Variants in GLS observed in about 807,000 individuals in gnomAD.
The protein encoded by GLS is glutaminase.
Under a neutral mutation model 86.7 loss-of-function variants are expected in GLS, and 36 were observed. The observed-to-expected ratio is 0.42, with a 90% confidence interval of 0.32 to 0.55. The LOEUF (loss-of-function observed/expected upper bound fraction) is 0.55, where lower values mean the gene tolerates loss of function less well. Ranked by LOEUF, GLS falls within the 20% of genes least tolerant of loss-of-function variation. The probability of loss-of-function intolerance (pLI) is 0.17; values close to 1 mark genes in which losing one functional copy is unlikely to be tolerated. For missense variants in GLS, 528 were observed against 833.4 expected, an observed-to-expected ratio of 0.63 and a Z score of 4.51; for synonymous variants, 317 against 305.9, an observed-to-expected ratio of 1.04 and a Z score of -0.38.
intron 14 of GLS, among the ~76,000 whole-genome samples, chr2:190,948,851 A>C (rs549321277): frequency 6.6e-6 from 1 of 152,294 alleles, no homozygotes; most frequent in African/African-American, 2.4e-5. Context: ...TCAGGAGAAT[A>C]GTATGCACTG....
rs1166917946 is a variant in GLS, at chr2:190,920,670, G to GT, written c.1039-347dup. On this transcript the variant is annotated intron_variant, in intron 7 of 17. Coordinates refer to ENST00000320717, the MANE Select transcript of GLS (RefSeq NM_014905.5). The surrounding 1 kb of genome is among the most constrained non-coding windows in gnomAD (Gnocchi z 4.2). ...TTCGAAGGGTGAAACTTTATTTTAA[G>GT]TTTTTTTAAATATAAGATTAAATAA... is the stretch of plus-strand genomic sequence containing the variant. 1.3e-5 allele frequency among the ~76,000 whole-genome samples: 2 copies of GT among 151,242 alleles called. No individual in the cohort carries two copies. Among genetic ancestry groups the GT allele is most frequent in the Middle Eastern group, 3.2e-3 (1 of 308 alleles).
intron 14 of GLS, chr2:190,933,093 A>G: frequency 1.0e-6 from 1 of 960,158 alleles, no homozygotes; most frequent in East Asian, 6.7e-5. Flanking sequence ...CTTTATTTTT[A>G]AAAATACAAA....
At position 190,905,179 on chromosome 2, in the gene GLS, A is replaced by G. The variant is rs1197171563; in HGVS notation, c.979+12A>G. On this transcript the variant is annotated intron_variant, in intron 6 of 17. Coordinates refer to ENST00000320717, the MANE Select transcript of GLS (RefSeq NM_014905.5). This position sits in a 1 kb window ranked among gnomAD's most constrained non-coding sequence, Gnocchi z 4.6. ...TTTGAATGAAGATGGTAAGAATTAC[A>G]TAAACATTGGTTGAAAAAAGAAATG... 2.6e-6 allele frequency: 4 copies of G among 1,514,052 alleles called. No homozygotes were observed. The highest frequency in any genetic ancestry group is 2.7e-6 in the Non-Finnish European group (3 of 1,099,980). 93.8% of individuals were successfully genotyped at this position (1,514,052 alleles called of 1,614,324 possible).
chr2:190,885,564 A>T (rs1479565166), intron 1 of GLS, among the ~76,000 whole-genome samples: 1 of 152,230 alleles, frequency 6.6e-6, no homozygotes, highest in Non-Finnish European at 1.5e-5. Context: ...ATTGAACAAT[A>T]CTAGTAAGGA....
chr2:190,963,167 AAAAC>A lies in GLS; in HGVS notation c.*184_*187del. ...GATCTCTTTGGGAAAAAATAGAAAT[AAAAC>A]AATCTCCCTCCATAATGTGAGCAAT... is the stretch of plus-strand genomic sequence containing the variant. On this transcript the variant is annotated 3_prime_UTR_variant, in exon 18 of 18. Transcript: ENST00000320717. 2 of 473,014 alleles carry A rather than the reference AAAAC, an allele frequency of 4.2e-6. No individual in the cohort carries two copies. The highest frequency in any genetic ancestry group is 7.5e-6 in the Non-Finnish European group (2 of 267,964). 29.3% of individuals were successfully genotyped at this position (473,014 alleles called of 1,614,324 possible).
rs1491250812 is a variant in GLS at position 190,953,948 on chromosome 2, A to ATG, written c.1712+323_1712+324insGT. Reference sequence around the variant, plus strand: ...GTCTACCCTCCATTCCCAATCTTTGATATGTGTGTGTGTGTGTGTGTGTGT... The same window carrying ATG: ...GTCTACCCTCCATTCCCAATCTTTGATGTATGTGTGTGTGTGTGTGTGTGTGT... On this transcript the variant is annotated intron_variant, in intron 15 of 17. Coordinates refer to ENST00000320717, the MANE Select transcript of GLS (RefSeq NM_014905.5). The surrounding 1 kb of genome is among the most constrained non-coding windows in gnomAD (Gnocchi z 4.0). 6.2e-4 allele frequency among the ~76,000 whole-genome samples: 68 copies of ATG among 108,834 alleles called. No homozygotes were observed. The highest frequency in any genetic ancestry group is 2.0e-3 in the African/African-American group (54 of 27,584). The allele number at this position is 108,834 out of a possible 152,430, so 71.4% of individuals were successfully genotyped here.
At position 190,953,606 on chromosome 2, in the gene GLS, A is replaced by G; in HGVS notation, c.1692A>G (p.Gly564=). ...ATCTTTTGTTTGCTGCATATACTGG[A>G]GATGTGTCTGCACTTCGAAGGTATG... ...VINLLFAAYT[G]DVSALRRFAL... Residue 564 remains glycine, a synonymous_variant, in exon 15 of 18, where the codon GGA becomes GGG. Transcript: ENST00000320717. The surrounding 1 kb of genome is among the most constrained non-coding windows in gnomAD (Gnocchi z 4.0). The G allele has an allele frequency of 6.2e-7, 1 of 1,608,972 alleles. No individual in the cohort carries two copies. The highest frequency in any genetic ancestry group is 1.1e-5 in the South Asian group (1 of 90,984).
chr2:190,934,230 G>C (rs757087579), intron 14 of GLS: 32 of 960,352 alleles, frequency 3.3e-5, no homozygotes, highest in Non-Finnish European at 4.0e-5. Context: ...AGTAAATATA[G>C]TGTAGCAAAA....
At position 190,924,142 on chromosome 2, in the gene GLS, T is replaced by G. The variant is rs928399676; in HGVS notation, c.1197+159T>G. ...TGCTCGTGAGTCAGTGTTATCAAAT[T>G]GTTAATGTTATTGTTAATTTGATTT... On this transcript the variant is annotated intron_variant, in intron 10 of 17. Transcript: ENST00000320717. This position sits in a 1 kb window ranked among gnomAD's most constrained non-coding sequence, Gnocchi z 5.2. Among the ~76,000 whole-genome samples, 4 of 152,202 alleles carry G rather than the reference T, an allele frequency of 2.6e-5. No homozygotes were observed. The highest frequency in any genetic ancestry group is 4.4e-5 in the Non-Finnish European group (3 of 68,016).
At chr2:190,934,811 G>A (rs1197961415) in intron 14 of GLS, 3 of 960,142 alleles carry the variant, frequency 3.1e-6, no homozygotes, top group African/African-American at 3.5e-5. Context: ...CTAAGCTACT[G>A]TGTTTAGAAA....
In GLS at chr2:190,906,012, AG is replaced by A. The variant is rs1689124726; in HGVS notation, c.979+846del. On this transcript the variant is annotated intron_variant, in intron 6 of 17. Coordinates refer to ENST00000320717, the MANE Select transcript of GLS (RefSeq NM_014905.5). ...ATTATTTTATTAGTTTGTAAGATGA[AG>A]TCATAAGACTGGTATTTTCTTATGC... Among the ~76,000 whole-genome samples, 5 of 152,206 alleles carry A rather than the reference AG, an allele frequency of 3.3e-5. No homozygotes were observed. The South Asian group carries it at 1.0e-3, about 32-fold the overall frequency.
intron 1 of GLS, among the ~76,000 whole-genome samples, chr2:190,885,202 T>C (rs1688332965): frequency 6.6e-6 from 1 of 152,122 alleles, no homozygotes; most frequent in Non-Finnish European, 1.5e-5. Flanking sequence ...ATTGAATTTT[T>C]TTTTTTTGAG....
Position 190,881,294 on chromosome 2 carries a change from G to T in GLS, c.210G>T (p.Arg70=). The T allele has an allele frequency of 7.0e-7, 1 of 1,428,580 alleles. No homozygotes were observed. The highest frequency in any genetic ancestry group is 1.4e-5 in the South Asian group (1 of 72,114). The allele number at this position is 1,428,580 out of a possible 1,614,324, so 88.5% of individuals were successfully genotyped here. The change falls in exon 1 of 18, where the codon CGG becomes CGT. Residue 70 remains arginine, a synonymous_variant. Transcript: ENST00000320717. ...GGGWPAEPLA[R]GLSSSPSEIL... ...GCTGGCCGGCGGAGCCCCTCGCGCGGGGCCTGTCCAGCTCTCCTTCGGAGA... is the reference window on the plus strand; with the variant it reads ...GCTGGCCGGCGGAGCCCCTCGCGCGTGGCCTGTCCAGCTCTCCTTCGGAGA...
rs1689705969 is a variant in GLS, at chr2:190,920,813, C to CT, written c.1039-208dup. Among the ~76,000 whole-genome samples, 1 of 151,352 alleles carries CT rather than the reference C, an allele frequency of 6.6e-6. No homozygotes were observed. The highest frequency in any genetic ancestry group is 1.5e-5 in the Non-Finnish European group (1 of 67,630). ...AGATATACTTAAAATAAAGCATTCC[C>CT]TTTGTAATTCTAATGCATTCTCAAC... On this transcript the variant is annotated intron_variant, in intron 7 of 17. Transcript: ENST00000320717. This position sits in a 1 kb window ranked among gnomAD's most constrained non-coding sequence, Gnocchi z 4.2.
intron 1 of GLS, among the ~76,000 whole-genome samples, chr2:190,892,422 G>A (rs1205416835): frequency 6.6e-6 from 1 of 152,068 alleles, no homozygotes; most frequent in Admixed American, 6.5e-5. Context: ...ATTCATTTGG[G>A]TTATTAATAA....
intron 7 of GLS, among the ~76,000 whole-genome samples, chr2:190,918,353 G>A (rs188134711): frequency 2.8e-4 from 42 of 152,182 alleles, no homozygotes; most frequent in Admixed American, 7.2e-4. Context: ...TTATGGAGAC[G>A]GCTTCTTTCC....
In GLS at chr2:190,881,290, C is replaced by T; in HGVS notation, c.206C>T (p.Ala69Val). ...GGGGWPAEPL[A>V]RGLSSSPSEI... is the part of the protein sequence containing the mutation. ...GGCGGCTGGCCGGCGGAGCCCCTCG[C>T]GCGGGGCCTGTCCAGCTCTCCTTCG... The change falls in exon 1 of 18, where the codon GCG becomes GTG. Residue 69 changes from alanine to valine, a missense_variant. Ala to Val is a moderately conservative substitution (Grantham distance 64). Around this residue, in one of 4 missense-constraint regions of GLS, gnomAD observed 224 missense variants for 187.9 expected, o/e 1.19. Coordinates refer to ENST00000320717, the MANE Select transcript of GLS (RefSeq NM_014905.5). 7.2e-7 allele frequency: 1 copy of T among 1,395,894 alleles called. No individual in the cohort carries two copies. Among genetic ancestry groups the T allele is most frequent in the Non-Finnish European group, 9.4e-7 (1 of 1,069,462 alleles). 86.5% of individuals were successfully genotyped at this position (1,395,894 alleles called of 1,614,324 possible).
At chr2:190,944,710 C>G (rs552417408) in intron 14 of GLS, among the ~76,000 whole-genome samples, 6 of 152,142 alleles carry the variant, frequency 3.9e-5, no homozygotes, top group Non-Finnish European at 4.4e-5. Flanking sequence ...TAATATGCCA[C>G]TGAGAAAAGA....
rs1400546879 is a variant in GLS, at chr2:190,949,998, TATATATATATATGAAGGGG to T, written c.1651-3565_1651-3547del. Among the ~76,000 whole-genome samples the T allele has an allele frequency of 1.3e-5, 2 of 150,698 alleles. No homozygotes were observed. Among genetic ancestry groups the T allele is most frequent in the Non-Finnish European group, 3.0e-5 (2 of 67,770 alleles). ...AAAGGATATAGTTAACAATACAATA[TATATATATATATGAAGGGG>T]AAAAGCAAGGTAAGGGATAAGGAGT... On this transcript the variant is annotated intron_variant, in intron 14 of 17. Transcript: ENST00000320717. This position sits in a 1 kb window ranked among gnomAD's most constrained non-coding sequence, Gnocchi z 4.0.
Sources: gnomAD v4.1 joint callset for allele counts (sites outside exome capture counted in the v4.1 genomes callset) on GRCh38, gnomAD v4.1.1 for gene constraint, gnomAD v4.1.1 regional missense constraint, Gnocchi (gnomAD v3.1) non-coding constraint, MANE v1.5 for transcripts, NCBI Gene and HGNC (gene_info 2026-07-23, HGNC 2026-07-21) for gene names.